The following SPAG16 variants were observed in gnomAD, a reference collection of about 807,000 sequenced individuals.
The protein encoded by SPAG16 is sperm-associated antigen 16 protein.
A neutral mutation model predicts 80.4 loss-of-function variants in SPAG16; 86 were observed. The observed-to-expected ratio is 1.07, with a 90% CI of 0.90 to 1.28. SPAG16 has a LOEUF of 1.28. Ranked by LOEUF, SPAG16 falls within the 50% of genes most tolerant of loss-of-function variation. The pLI is 0.00. For synonymous variants in SPAG16, 294 were observed against 265.9 expected (o/e 1.11, Z -1.03); for missense variants, 870 against 765.3 (o/e 1.14, Z -1.61).
intron 15 of SPAG16, among the ~76,000 whole-genome samples, chr2:214,380,974 C>A (rs908611306): frequency 3.9e-5 from 6 of 152,204 alleles, no homozygotes; most frequent in African/African-American, 1.4e-4. Flanking sequence ...ATAATCACTT[C>A]GATTTTCCTC....
chr2:213,376,528 A>G (rs566630307), intron 9 of SPAG16, among the ~76,000 whole-genome samples: 5 of 152,150 alleles, frequency 3.3e-5, no homozygotes, highest in African/African-American at 1.2e-4. Context: ...TTCACTGAGT[A>G]ATCATTTTTA....
chr2:214,250,733 GATATAT>G (rs59644776), intron 15 of SPAG16, among the ~76,000 whole-genome samples: 10,830 of 112,098 alleles, frequency 0.097, 586 homozygotes, highest in African/African-American at 0.11. Context: ...GGAGCTTTGA[GATATAT>G]ATATATATAT....
intron 5 of SPAG16, among the ~76,000 whole-genome samples, chr2:213,331,396 A>G (rs2064100651): frequency 6.6e-6 from 1 of 152,224 alleles, no homozygotes; most frequent in South Asian, 2.1e-4. Flanking sequence ...GGATATAACA[A>G]TTGTAAATAT....
chr2:213,709,317 A>G (rs1418035160), intron 10 of SPAG16, among the ~76,000 whole-genome samples: 1 of 152,176 alleles, frequency 6.6e-6, no homozygotes, highest in African/African-American at 2.4e-5. Flanking sequence ...AGTCCTTTCT[A>G]TAATGTTTAC....
chr2:214,172,544 A>T (rs2056910808), intron 15 of SPAG16, among the ~76,000 whole-genome samples: 1 of 152,126 alleles, frequency 6.6e-6, no homozygotes, highest in South Asian at 2.1e-4. Flanking sequence ...TGTTGTGAAT[A>T]GTGCCGCAAT....
intron 12 of SPAG16, among the ~76,000 whole-genome samples, chr2:213,945,313 A>G (rs2079399648): frequency 6.8e-6 from 1 of 147,458 alleles, no homozygotes; most frequent in Non-Finnish European, 1.5e-5. Flanking sequence ...AAGTATATAT[A>G]TGTGTGTGTT....
chr2:213,338,115 T>C (rs2124934783), intron 5 of SPAG16, among the ~76,000 whole-genome samples: 1 of 152,210 alleles, frequency 6.6e-6, no homozygotes, highest in Middle Eastern at 3.4e-3. Context: ...CTGGTCAAAC[T>C]CAGCTTCATA....
chr2:214,250,755 T>TAGAGAGAGAGAGAG (rs1192976006), intron 15 of SPAG16, among the ~76,000 whole-genome samples: 26 of 96,692 alleles, frequency 2.7e-4, no homozygotes, highest in East Asian at 5.7e-4. Context: ...TATATATATA[T>TAGAGAGAGAGAGAG]ATAGAGAGAG....
intron 15 of SPAG16, among the ~76,000 whole-genome samples, chr2:214,261,009 A>G (rs1691114412): frequency 6.7e-6 from 1 of 150,108 alleles, no homozygotes; most frequent in Non-Finnish European, 1.5e-5. Context: ...CAGGAGGCTG[A>G]GGCAGGAGAA....
At chr2:213,808,952 T>TAG (rs1342957281) in intron 10 of SPAG16, among the ~76,000 whole-genome samples, 1 of 152,050 alleles carries the variant, frequency 6.6e-6, no homozygotes, top group Non-Finnish European at 1.5e-5. Context: ...AGATTAATGG[T>TAG]AGAGTTTTAT....
intron 15 of SPAG16, among the ~76,000 whole-genome samples, chr2:214,315,380 T>C (rs1008319840): frequency 6.6e-6 from 1 of 152,216 alleles, no homozygotes; most frequent in African/African-American, 2.4e-5. Flanking sequence ...TAAAAGGTTC[T>C]GTGTTGGCAT....
chr2:214,081,207 A>T (rs1182140807), intron 13 of SPAG16, among the ~76,000 whole-genome samples: 2 of 152,062 alleles, frequency 1.3e-5, no homozygotes, highest in Non-Finnish European at 2.9e-5. Context: ...TCTAAGTAAC[A>T]TACTTCCAGA....
chr2:213,657,965 G>A (rs2063280766), intron 10 of SPAG16, among the ~76,000 whole-genome samples: 1 of 152,088 alleles, frequency 6.6e-6, no homozygotes, highest in South Asian at 2.1e-4. Flanking sequence ...TAACTACTCA[G>A]AATCCATTCT....
chr2:213,547,289 G>A (rs2076643305), intron 10 of SPAG16, among the ~76,000 whole-genome samples: 1 of 152,016 alleles, frequency 6.6e-6, no homozygotes, highest in African/African-American at 2.4e-5. Flanking sequence ...AGTAAAAATA[G>A]TCATGGTGTA....
chr2:213,856,587 G>A (rs547365253), intron 10 of SPAG16, among the ~76,000 whole-genome samples: 1 of 152,246 alleles, frequency 6.6e-6, no homozygotes, highest in East Asian at 1.9e-4. Flanking sequence ...ATACATCTTC[G>A]GAAACCTTGG....
chr2:213,609,381 A>G (rs1237169370), intron 10 of SPAG16, among the ~76,000 whole-genome samples: 1 of 152,142 alleles, frequency 6.6e-6, no homozygotes, highest in East Asian at 1.9e-4. Flanking sequence ...GTATATCCCA[A>G]TTCTTCTGTG....
chr2:213,757,273 TA>T (rs1283408190), intron 10 of SPAG16, among the ~76,000 whole-genome samples: 2 of 151,926 alleles, frequency 1.3e-5, no homozygotes, highest in Non-Finnish European at 2.9e-5. Flanking sequence ...TTGTTGTCCA[TA>T]CTACTTAAAG....
At chr2:213,738,013 G>A (rs1485980480) in intron 10 of SPAG16, among the ~76,000 whole-genome samples, 2 of 151,860 alleles carry the variant, frequency 1.3e-5, no homozygotes, top group Non-Finnish European at 2.9e-5. Context: ...CTTCATTGTA[G>A]TTTTAAATTT....
intron 15 of SPAG16, among the ~76,000 whole-genome samples, chr2:214,288,398 G>T (rs1693532451): frequency 6.6e-6 from 1 of 152,104 alleles, no homozygotes; most frequent in Admixed American, 6.5e-5. Context: ...AGTGCAGGTA[G>T]GTATCCCTTT....
Sources: gnomAD v4.1 joint callset for allele counts (sites outside exome capture counted in the v4.1 genomes callset) on GRCh38, gnomAD v4.1.1 for gene constraint, MANE v1.5 for transcripts, NCBI Gene and HGNC (gene_info 2026-07-23, HGNC 2026-07-21) for gene names.